TMC1: variants seen among roughly 807,000 people sequenced by gnomAD.
TMC1 encodes the protein transmembrane channel like 1.
TMC1 carries 84 observed loss-of-function variants against 105.8 expected under a neutral mutation model. That is an observed-to-expected ratio of 0.79 (90% CI 0.67 to 0.95). TMC1 has a LOEUF of 0.95. TMC1 is among the 40% of genes least tolerant of loss of function. The pLI is 0.00. For synonymous variants in TMC1, 315 were observed against 311.5 expected, an observed-to-expected ratio of 1.01 and a Z score of -0.12; for missense variants, 817 against 914.1, an observed-to-expected ratio of 0.89 and a Z score of 1.37.
At chr9:72,613,744 T>TTG (rs374402652) in intron 2 of TMC1, among the ~76,000 whole-genome samples, 3 of 151,866 alleles carry the variant, frequency 2.0e-5, no homozygotes, top group South Asian at 2.1e-4. Flanking sequence ...GCGTGTTTTC[T>TTG]TGTGTGTGTG....
intron 1 of TMC1, among the ~76,000 whole-genome samples, chr9:72,576,618 C>CTTTTTT (rs71357588): frequency 3.0e-5 from 4 of 135,142 alleles, no homozygotes; most frequent in Non-Finnish European, 6.2e-5. Flanking sequence ...CTCCCAATTT[C>CTTTTTT]TTTTTTTTTT....
chr9:72,793,745 G>A (rs1003931961), intron 17 of TMC1, among the ~76,000 whole-genome samples: 1 of 152,142 alleles, frequency 6.6e-6, no homozygotes, highest in African/African-American at 2.4e-5. Flanking sequence ...ACGGATGTGG[G>A]GTCCCAATAT....
intron 8 of TMC1, among the ~76,000 whole-genome samples, chr9:72,734,170 T>G (rs968073018): frequency 2.0e-5 from 3 of 152,178 alleles, no homozygotes; most frequent in Non-Finnish European, 2.9e-5. Context: ...AATTTAAAAC[T>G]TATGAATTGT....
chr9:72,680,205 A>G (rs190557330), intron 5 of TMC1, among the ~76,000 whole-genome samples: 72 of 152,226 alleles, frequency 4.7e-4, no homozygotes, highest in Non-Finnish European at 1.0e-3. Context: ...GGAGTACTCA[A>G]ATATTAACTA....
At chr9:72,757,529 C>T (rs891040847) in intron 12 of TMC1, among the ~76,000 whole-genome samples, 2 of 152,066 alleles carry the variant, frequency 1.3e-5, no homozygotes, top group South Asian at 2.1e-4. Flanking sequence ...GGCATATTTC[C>T]GTATACATAA....
chr9:72,764,658 G>A (rs1220054130), intron 12 of TMC1, among the ~76,000 whole-genome samples: 1 of 152,146 alleles, frequency 6.6e-6, no homozygotes, highest in African/African-American at 2.4e-5. Flanking sequence ...ATGGGTAGCA[G>A]AGAGCAGAAG....
At chr9:72,696,863 A>G (rs1826559891) in intron 7 of TMC1, among the ~76,000 whole-genome samples, 1 of 152,200 alleles carries the variant, frequency 6.6e-6, no homozygotes, top group Non-Finnish European at 1.5e-5. Context: ...ATAGAAAACC[A>G]TTCTTGCACA....
intron 4 of TMC1, among the ~76,000 whole-genome samples, chr9:72,636,707 C>CAAA (rs59553107): frequency 1.3e-4 from 11 of 83,230 alleles, no homozygotes; most frequent in African/African-American, 4.9e-4. Context: ...GACTCCATCT[C>CAAA]AAAAAAAAAA....
intron 5 of TMC1, among the ~76,000 whole-genome samples, chr9:72,684,400 T>C (rs1235355257): frequency 3.3e-5 from 5 of 152,180 alleles, no homozygotes; most frequent in African/African-American, 1.2e-4. Context: ...GATACGTCTC[T>C]GATGCACATC....
In TMC1 at chr9:72,601,922, G is replaced by A. The variant is rs74501898; in HGVS notation, c.-305-14446G>A. 3.0e-4 allele frequency among the ~76,000 whole-genome samples: 46 copies of A among 152,298 alleles called. No homozygotes were observed. In the East Asian group the frequency reaches 6.2e-3, roughly 20 times the overall value. ...ATTTTGGATTTTGAAATATTGGCAT[G>A]TATCTAATGAGACATCTCAGGGATG... On this transcript the variant is annotated intron_variant, in intron 2 of 23. Coordinates refer to ENST00000297784, the MANE Select transcript of TMC1 (RefSeq NM_138691.3).
At chr9:72,551,354 A>C in intron 1 of TMC1, among the ~76,000 whole-genome samples, 1 of 152,200 alleles carries the variant, frequency 6.6e-6, no homozygotes, top group East Asian at 1.9e-4. Flanking sequence ...AAAAGATCTT[A>C]TAGGGAAAGC....
chr9:72,642,118 C>T (rs1233741337), intron 4 of TMC1, among the ~76,000 whole-genome samples: 1 of 152,052 alleles, frequency 6.6e-6, no homozygotes, highest in African/African-American at 2.4e-5. Context: ...TGCCTGGCCC[C>T]AGATCTTAGA....
At chr9:72,802,021 G>C (rs1053647010) in intron 17 of TMC1, among the ~76,000 whole-genome samples, 16 of 152,106 alleles carry the variant, frequency 1.1e-4, no homozygotes, top group African/African-American at 3.9e-4. Flanking sequence ...AAGTCTTCTA[G>C]ACCTGGCAGT....
At chr9:72,786,994 C>T (rs935123683) in intron 13 of TMC1, among the ~76,000 whole-genome samples, 3 of 150,034 alleles carry the variant, frequency 2.0e-5, no homozygotes, top group Non-Finnish European at 3.0e-5. Context: ...TAGGGAATAT[C>T]TGCTTTCAAC....
intron 19 of TMC1, among the ~76,000 whole-genome samples, chr9:72,819,652 G>T (rs1393230938): frequency 6.6e-6 from 1 of 152,020 alleles, no homozygotes; most frequent in Non-Finnish European, 1.5e-5. Flanking sequence ...GTTAACTTTG[G>T]GTTGGCAAAA....
intron 2 of TMC1, among the ~76,000 whole-genome samples, chr9:72,602,977 ATCATTTTATTT>A (rs1464389604): frequency 6.6e-6 from 1 of 152,088 alleles, no homozygotes; most frequent in Non-Finnish European, 1.5e-5. Context: ...CCCACTATAG[ATCATTTTATTT>A]TCATTTTATT....
chr9:72,829,787 C>G (rs576763579), intron 21 of TMC1, among the ~76,000 whole-genome samples: 1 of 152,196 alleles, frequency 6.6e-6, no homozygotes, highest in African/African-American at 2.4e-5. Context: ...TTTGTTTGTT[C>G]GTTTTGCCTT....
At position 72,617,841 on chromosome 9, in the gene TMC1, T is replaced by G. The variant is rs142727892; in HGVS notation, c.-196+1364T>G. ...CAGTGGTAATCTCCAGGAAGCGCTG[T>G]TAAGTGAAAGAGCAAACTAGAGAAA... On this transcript the variant is annotated intron_variant, in intron 3 of 23. Transcript: ENST00000297784. Among the ~76,000 whole-genome samples the G allele has an allele frequency of 7.0e-3, 1,059 of 151,930 alleles. 17 individuals are homozygous for G. Among genetic ancestry groups the G allele is most frequent in the South Asian group, 0.044 (213 of 4,798 alleles).
intron 19 of TMC1, among the ~76,000 whole-genome samples, chr9:72,820,111 T>A (rs1828844108): frequency 6.6e-6 from 1 of 152,116 alleles, no homozygotes; most frequent in Non-Finnish European, 1.5e-5. Context: ...ATAAACTAAA[T>A]TTAAATAAAT....
Sources: allele counts gnomAD v4.1 joint callset (sites outside exome capture counted in the v4.1 genomes callset), GRCh38; gene constraint gnomAD v4.1.1; transcripts MANE v1.5; gene names NCBI Gene and HGNC (gene_info 2026-07-23, HGNC 2026-07-21).